The following RXRA variants were observed in gnomAD, a reference collection of about 807,000 sequenced individuals.
RXRA encodes the protein retinoid X receptor alpha, also known as retinoic acid receptor RXR-alpha.
RXRA carries 5 observed loss-of-function variants against 44.5 expected under a neutral mutation model. The ratio of observed to expected loss-of-function variants is 0.11; its 90% CI spans 0.06 to 0.24. The LOEUF is 0.24. RXRA is among the 10% of genes least tolerant of loss of function. The pLI is 1.00. For missense variants in RXRA, 412 were observed against 646.5 expected (o/e 0.64, Z 3.93); for synonymous variants, 291 against 271.4 (o/e 1.07, Z -0.71).
chr9:134,364,660 G>C, intron 1 of RXRA, among the ~76,000 whole-genome samples: 1 of 152,172 alleles, frequency 6.6e-6, no homozygotes, highest in Non-Finnish European at 1.5e-5. Flanking sequence ...AGCCCTGGGT[G>C]CTCTGTGGCT....
rs576141047 is a variant in RXRA, at chr9:134,374,697, C to T, written c.29-26935C>T. Among the ~76,000 whole-genome samples the T allele has an allele frequency of 5.9e-5, 9 of 152,356 alleles. No homozygotes were observed. In the South Asian group the frequency reaches 6.2e-4, roughly 11 times the overall value. ...AGCAAGTGGGTGGTAAAATTTAGAC[C>T]TTTTGCCTCCTGGCGACTTCCTTCT... is the stretch of plus-strand genomic sequence containing the variant. On this transcript the variant is annotated intron_variant, in intron 1 of 9. Transcript: ENST00000481739.
chr9:134,360,053 C>T (rs1757099067), intron 1 of RXRA, among the ~76,000 whole-genome samples: 1 of 152,182 alleles, frequency 6.6e-6, no homozygotes, highest in African/African-American at 2.4e-5. Context: ...GGAGGTGTGG[C>T]GTGCCCAGTG....
intron 1 of RXRA, among the ~76,000 whole-genome samples, chr9:134,355,392 C>CT (rs1281654957): frequency 1.6e-4 from 25 of 152,240 alleles, no homozygotes; most frequent in Non-Finnish European, 2.6e-4. Flanking sequence ...CTTCAGTTTC[C>CT]TGATATGCTG....
In RXRA at chr9:134,401,410, C is replaced by T. The variant is rs1009938734; in HGVS notation, c.29-222C>T. The T allele has an allele frequency of 5.7e-5, 38 of 672,344 alleles. 1 individual carries two copies. Among genetic ancestry groups the T allele is most frequent in the Middle Eastern group, 4.2e-4 (1 of 2,362 alleles). 41.6% of individuals were successfully genotyped at this position (672,344 alleles called of 1,614,324 possible). A position where few individuals can be genotyped will look rare whatever the true frequency, so the allele number is the denominator to read the frequency against. Reference sequence around the variant, plus strand: ...GTCTGCCGCAGGCCCAGCCTAAAGCCGGGGTCAGGCGCAGAACAGTACCTT... The same window carrying T: ...GTCTGCCGCAGGCCCAGCCTAAAGCTGGGGTCAGGCGCAGAACAGTACCTT... On this transcript the variant is annotated intron_variant, in intron 1 of 9. Transcript: ENST00000481739.
intron 2 of RXRA, 31 bp from the exon 3 acceptor site, chr9:134,408,118 C>A (rs759833153): frequency 1.3e-5 from 19 of 1,507,734 alleles, no homozygotes. Flanking sequence ...CTGGTGTACA[C>A]CCCGCTGACT....
intron 1 of RXRA, chr9:134,379,858 A>T: frequency 1.0e-6 from 1 of 985,066 alleles, no homozygotes; most frequent in Non-Finnish European, 1.2e-6. Flanking sequence ...TGGCCCTGGG[A>T]TCTGGCCTTG....
chr9:134,424,616 C>T, intron 6 of RXRA: 1 of 985,470 alleles, frequency 1.0e-6, no homozygotes, highest in Non-Finnish European at 1.2e-6. Context: ...GCCAGCAGCT[C>T]ACCCATCAGG....
rs199976475 is a variant in RXRA, at chr9:134,432,007, C to G, written c.1135+11C>G. The G allele has an allele frequency of 1.3e-5, 21 of 1,609,086 alleles. No homozygotes were observed. In the East Asian group the frequency reaches 4.7e-4, roughly 36 times the overall value. ...TCCTCTTTAACCCTGGTATGGCCTTCCTGCCTTGAGGCTTCTGGCCCCGTT... is the reference window on the plus strand; with the variant it reads ...TCCTCTTTAACCCTGGTATGGCCTTGCTGCCTTGAGGCTTCTGGCCCCGTT... On this transcript the variant is annotated intron_variant, in intron 8 of 9. Coordinates refer to ENST00000481739, the MANE Select transcript of RXRA (RefSeq NM_002957.6).
rs1831066217 is a variant in RXRA, at chr9:134,407,237, G to A, written c.280-912G>A. Among the ~76,000 whole-genome samples the A allele has an allele frequency of 1.3e-5, 2 of 152,266 alleles. No homozygotes were observed. On this transcript the variant is annotated intron_variant, in intron 2 of 9. Transcript: ENST00000481739. The surrounding 1 kb of genome is among the most constrained non-coding windows in gnomAD (Gnocchi z 4.8). ...GCCTCAAACTCTTCCTGTCCCGTGAGAAGGGGGGATGGGATTTGGAGGCCT... is the reference window on the plus strand; with the variant it reads ...GCCTCAAACTCTTCCTGTCCCGTGAAAAGGGGGGATGGGATTTGGAGGCCT...
At chr9:134,336,866 T>C (rs541306116) in intron 1 of RXRA, among the ~76,000 whole-genome samples, 1 of 152,338 alleles carries the variant, frequency 6.6e-6, no homozygotes, top group South Asian at 2.1e-4. Context: ...TCCCCCTCGT[T>C]CTGGAGGCCG....
intron 1 of RXRA, among the ~76,000 whole-genome samples, chr9:134,384,409 C>T (rs1306715745): frequency 2.6e-5 from 4 of 152,220 alleles, no homozygotes; most frequent in Admixed American, 1.3e-4. Context: ...GGGTCGCCAG[C>T]GACTGAGGAT....
intron 1 of RXRA, among the ~76,000 whole-genome samples, chr9:134,387,971 A>G (rs1830745032): frequency 6.6e-6 from 1 of 152,124 alleles, no homozygotes; most frequent in African/African-American, 2.4e-5. Context: ...GGGGGTTTGA[A>G]TTCAGATCCC....
At chr9:134,380,451 ACCCAGTGGTT>A (rs1159426828) in intron 1 of RXRA, among the ~76,000 whole-genome samples, 4 of 151,728 alleles carry the variant, frequency 2.6e-5, no homozygotes, top group African/African-American at 4.8e-5. Flanking sequence ...GCCTCCCATG[ACCCAGTGGTT>A]GCAAGGAGCA....
intron 1 of RXRA, among the ~76,000 whole-genome samples, chr9:134,347,582 C>T (rs910548534): frequency 1.3e-5 from 2 of 152,270 alleles, no homozygotes; most frequent in Admixed American, 6.5e-5. Flanking sequence ...CAGGGGCCTG[C>T]GTTGATGGGC....
At chr9:134,348,734 G>A (rs1830184766) in intron 1 of RXRA, among the ~76,000 whole-genome samples, 1 of 152,238 alleles carries the variant, frequency 6.6e-6, no homozygotes, top group Non-Finnish European at 1.5e-5. Flanking sequence ...GCTGTCAAAG[G>A]CATCACGTGT....
chr9:134,326,992 G>T (rs1380055504), intron 1 of RXRA, among the ~76,000 whole-genome samples: 1 of 151,542 alleles, frequency 6.6e-6, no homozygotes, highest in Non-Finnish European at 1.5e-5. Context: ...ACAGGAACCC[G>T]GCCGGAGCGG....
intron 6 of RXRA, chr9:134,425,650 G>A: frequency 1.0e-6 from 1 of 984,952 alleles, no homozygotes; most frequent in Non-Finnish European, 1.2e-6. Context: ...GCAGGCCCAA[G>A]GTCCCCCTGT....
At position 134,433,302 on chromosome 9, in the gene RXRA, C is replaced by G. The variant is rs1248765912; in HGVS notation, c.1136-800C>G. Among the ~76,000 whole-genome samples the G allele has an allele frequency of 6.6e-6, 1 of 152,156 alleles. No individual in the cohort carries two copies. The highest frequency in any genetic ancestry group is 6.5e-5 in the Admixed American group (1 of 15,284). ...TGGTCTGGTTGCTAGAGCTGGGGCA[C>G]CAGCAGGACCTGGGCACCGGCTTGC... On this transcript the variant is annotated intron_variant, in intron 8 of 9. Transcript: ENST00000481739. The surrounding 1 kb of genome is among the most constrained non-coding windows in gnomAD (Gnocchi z 4.2).
chr9:134,356,876 T>C (rs1830290260), intron 1 of RXRA, among the ~76,000 whole-genome samples: 1 of 152,184 alleles, frequency 6.6e-6, no homozygotes, highest in African/African-American at 2.4e-5. Context: ...CCACCCTCGA[T>C]GGCCCTGGTA....
Sources: gnomAD v4.1 joint callset for allele counts (sites outside exome capture counted in the v4.1 genomes callset) on GRCh38, gnomAD v4.1.1 for gene constraint, Gnocchi (gnomAD v3.1) non-coding constraint, MANE v1.5 for transcripts, NCBI Gene and HGNC (gene_info 2026-07-23, HGNC 2026-07-21) for gene names.